The following ABCA7 variants were observed in gnomAD, a reference collection of about 807,000 sequenced individuals.
ABCA7 encodes ATP binding cassette subfamily A member 7.
ABCA7 carries 261 observed loss-of-function variants against 227.6 expected under a neutral mutation model. The observed-to-expected ratio is 1.15, with a 90% confidence interval of 1.04 to 1.27. The LOEUF is 1.27. Ranked by LOEUF, ABCA7 falls within the 50% of genes most tolerant of loss-of-function variation. The probability of loss-of-function intolerance (pLI) is 0.00; values close to 1 mark genes in which losing one functional copy is unlikely to be tolerated. For synonymous variants in ABCA7, 1,488 were observed against 1,279.7 expected (o/e 1.16, Z -3.47); for missense variants, 3,331 against 2,924.5 (o/e 1.14, Z -3.21).
Position 1,058,217 on chromosome 19 carries a change from G to C in ABCA7, c.5097G>C (p.Gly1699=), listed in dbSNP as rs766401645. ...TCCCCCACTTCTGCTTGGGCCGGGG[G>C]CTCATTGACATGGTGCGGAACCAGG... ...LIFPHFCLGR[G]LIDMVRNQAM... The change falls in exon 37 of 47, where the codon GGG becomes GGC. Residue 1699 remains glycine, a synonymous_variant. Transcript: ENST00000263094. The C allele has an allele frequency of 1.2e-6, 2 of 1,613,648 alleles. No individual in the cohort carries two copies. Among genetic ancestry groups the C allele is most frequent in the Non-Finnish European group, 1.7e-6 (2 of 1,179,974 alleles).
At chr19:1,045,934 G>A (rs1275065285) in intron 12 of ABCA7, among the ~76,000 whole-genome samples, 1 of 152,226 alleles carries the variant, frequency 6.6e-6, no homozygotes, top group African/African-American at 2.4e-5. Context: ...TTGAACCCAG[G>A]AGGCGGAGGT....
chr19:1,064,890 G>C, intron 45 of ABCA7, 41 bp from the exon 46 acceptor site: 1 of 1,540,502 alleles, frequency 6.5e-7, no homozygotes, highest in Non-Finnish European at 8.8e-7. Context: ...GTGGGACCTG[G>C]GAAAGGCCCG....
Position 1,056,837 on chromosome 19 carries a change from C to A in ABCA7, c.4587-70C>A. The A allele has an allele frequency of 6.7e-7, 1 of 1,498,836 alleles. No homozygotes were observed. Among genetic ancestry groups the A allele is most frequent in the Non-Finnish European group, 9.1e-7 (1 of 1,095,816 alleles). 92.8% of individuals were successfully genotyped at this position (1,498,836 alleles called of 1,614,324 possible). A position where few individuals can be genotyped will look rare whatever the true frequency, so the allele number is the denominator to read the frequency against. On this transcript the variant is annotated intron_variant, in intron 33 of 46. Coordinates refer to ENST00000263094, the MANE Select transcript of ABCA7 (RefSeq NM_019112.4). This position sits in a 1 kb window ranked among gnomAD's most constrained non-coding sequence, Gnocchi z 4.3. ...CCATAGACCTTTGTCCCATCAATGG[C>A]GTGTTCAGCTCTGCTCTGAGCAACC...
chr19:1,064,399 G>A (rs1295997367), intron 45 of ABCA7, 146 bp downstream of exon 45: 2 of 966,368 alleles, frequency 2.1e-6, no homozygotes, highest in Non-Finnish European at 3.0e-6. Flanking sequence ...CTGCAGGGGT[G>A]ACTGAGGGGG....
In ABCA7 at chr19:1,056,066, A is replaced by G. The variant is rs881768; in HGVS notation, c.4239A>G (p.Arg1413=). Reference sequence around the variant, plus strand: ...CTTCCCTGCCTGCATGGCCCCACAGATACGGAGGCTTCTCGCTGGGGGGCC... The same window carrying G: ...CTTCCCTGCCTGCATGGCCCCACAGGTACGGAGGCTTCTCGCTGGGGGGCC... The part of the protein sequence containing the change: ...LKTKKWVNEV[R]YGGFSLGGRD... Residue 1413 remains arginine (R), a splice_region_variant and synonymous_variant, in exon 32 of 47, where the codon AGA becomes AGG. Coordinates refer to ENST00000263094, the MANE Select transcript of ABCA7 (RefSeq NM_019112.4). This position sits in a 1 kb window ranked among gnomAD's most constrained non-coding sequence, Gnocchi z 4.3. 691,627 of 1,587,492 alleles carry G rather than the reference A, an allele frequency of 0.44. 152,017 individuals are homozygous for G. The highest frequency in any genetic ancestry group is 0.53 in the African/African-American group (39,526 of 74,458).
In ABCA7 at chr19:1,061,826, G is replaced by A. The variant is rs2042674937; in HGVS notation, c.5508G>A (p.Thr1836=). ...LGVNGAGKTS[T]FRMVTGDTLA... ...TGAATGGAGCAGGGAAGACGTCCAC[G>A]TTTCGCATGGTGACGGGGGACACAT... The change falls in exon 41 of 47, where the codon ACG becomes ACA. Residue 1836 remains threonine (T), a synonymous_variant. Transcript: ENST00000263094. 6 of 1,609,962 alleles carry A rather than the reference G, an allele frequency of 3.7e-6. No individual in the cohort carries two copies. Among genetic ancestry groups the A allele is most frequent in the East Asian group, 2.2e-5 (1 of 44,760 alleles).
intron 9 of ABCA7, 60 bp from the exon 10 acceptor site, chr19:1,043,665 G>A: frequency 1.3e-6 from 2 of 1,571,448 alleles, no homozygotes; most frequent in African/African-American, 1.4e-5. Context: ...AGGGGGCAGG[G>A]GGTGGGCAGG....
At chr19:1,050,854 A>T in intron 18 of ABCA7, 67 bp from the exon 19 acceptor site, 1 of 1,260,434 alleles carries the variant, frequency 7.9e-7, no homozygotes, top group Non-Finnish European at 1.0e-6. Flanking sequence ...AGAAATTAAA[A>T]ATAGAAGCTC....
At chr19:1,061,365 G>A (rs778062968) in intron 40 of ABCA7, among the ~76,000 whole-genome samples, 10 of 139,890 alleles carry the variant, frequency 7.1e-5, no homozygotes, top group East Asian at 4.1e-4. Context: ...CCATTGCGCC[G>A]GGGTGACACA....
chr19:1,063,395 C>G (rs1292416042), intron 42 of ABCA7, 149 bp from the exon 43 acceptor site: 1 of 1,125,266 alleles, frequency 8.9e-7, no homozygotes. Flanking sequence ...TCATGCTGCC[C>G]CCACCACACT....
chr19:1,051,466 C>T lies in ABCA7; in HGVS notation c.2842C>T (p.Leu948=). Residue 948 remains leucine, a synonymous_variant, in exon 21 of 47, where the codon CTG becomes TTG. Coordinates refer to ENST00000263094, the MANE Select transcript of ABCA7 (RefSeq NM_019112.4). ...RHLSGGMQRK[L]SVAIAFVGGS... Reference sequence around the variant, plus strand: ...TCTACCAGGTGGGATGCAACGGAAGCTGTCCGTGGCCATTGCCTTTGTGGG... The same window carrying T: ...TCTACCAGGTGGGATGCAACGGAAGTTGTCCGTGGCCATTGCCTTTGTGGG... 1 of 1,580,056 alleles carries T rather than the reference C, an allele frequency of 6.3e-7. No individual in the cohort carries two copies. Among genetic ancestry groups the T allele is most frequent in the Non-Finnish European group, 8.6e-7 (1 of 1,160,850 alleles).
chr19:1,064,149 G>C lies in ABCA7; in HGVS notation c.5952-12G>C, dbSNP rs376428893. On this transcript the variant is annotated splice_polypyrimidine_tract_variant and intron_variant, in intron 44 of 46. Coordinates refer to ENST00000263094, the MANE Select transcript of ABCA7 (RefSeq NM_019112.4). ...CCGGCCTCACGGAGCTCGTGGTGCC[G>C]GGTCCCGACAGCATGGAGGAGTGTG... 8 of 1,550,844 alleles carry C rather than the reference G, an allele frequency of 5.2e-6. No homozygotes were observed. The African/African-American group carries it at 6.8e-5, about 13-fold the overall frequency.
chr19:1,042,618 C>A, intron 6 of ABCA7, 128 bp from the exon 7 acceptor site: 1 of 1,123,666 alleles, frequency 8.9e-7, no homozygotes, highest in Non-Finnish European at 1.3e-6. Flanking sequence ...CTTTGCCTCT[C>A]AGAGCCTCAG....
chr19:1,042,365 G>T lies in ABCA7; in HGVS notation c.466G>T (p.Val156Phe). The T allele has an allele frequency of 6.2e-7, 1 of 1,603,310 alleles. No homozygotes were observed. Among genetic ancestry groups the T allele is most frequent in the Non-Finnish European group, 8.5e-7 (1 of 1,172,614 alleles). The change falls in exon 6 of 47, where the codon GTC becomes TTC. Residue 156 changes from valine to phenylalanine, a missense_variant. Coordinates refer to ENST00000263094, the MANE Select transcript of ABCA7 (RefSeq NM_019112.4). ...TCCACTGGAACCACCCATGCTGGAT[G>T]TCGCGGAGCTGCTGACGTCACTGCT... is the stretch of plus-strand genomic sequence containing the variant. The part of the protein sequence containing the change: ...QSPLEPPMLD[V>F]AELLTSLLRT...
At chr19:1,057,182 A>G (rs1815836749) in intron 34 of ABCA7, 98 bp downstream of exon 34, 1 of 1,552,288 alleles carries the variant, frequency 6.4e-7, no homozygotes, top group African/African-American at 1.4e-5. Context: ...TGGCCTGGGT[A>G]AAGTCTTGAG....
intron 42 of ABCA7, among the ~76,000 whole-genome samples, chr19:1,063,230 C>A (rs2042794567): frequency 7.6e-6 from 1 of 132,006 alleles, no homozygotes; most frequent in Non-Finnish European, 1.6e-5. Context: ...GCCCCATACT[C>A]ATGCTGTCTC....
Position 1,054,212 on chromosome 19 carries a change from T to C in ABCA7, c.3597T>C (p.Thr1199=). 1 of 1,608,290 alleles carries C rather than the reference T, an allele frequency of 6.2e-7. No individual in the cohort carries two copies. Among genetic ancestry groups the C allele is most frequent in the African/African-American group, 1.3e-5 (1 of 74,886 alleles). The change falls in exon 27 of 47, where the codon ACT becomes ACC. Residue 1199 remains threonine, a synonymous_variant. Transcript: ENST00000263094. The surrounding 1 kb of genome is among the most constrained non-coding windows in gnomAD (Gnocchi z 4.8). ...NGEPAGSAPE[T]DQGSGPDAVG... ...TCACAGCTGGGTCAGCCCCAGAGACTGACCAGGGCTCTGGGCCAGACGCCG... is the reference window on the plus strand; with the variant it reads ...TCACAGCTGGGTCAGCCCCAGAGACCGACCAGGGCTCTGGGCCAGACGCCG...
At chr19:1,050,346 AG>A (rs1258930823) in intron 18 of ABCA7, among the ~76,000 whole-genome samples, 1 of 151,660 alleles carries the variant, frequency 6.6e-6, no homozygotes, top group Non-Finnish European at 1.5e-5. Flanking sequence ...CTGGAGGCGG[AG>A]GTTGCAGTGA....
In ABCA7 at chr19:1,062,308, G is replaced by C; in HGVS notation, c.5707G>C (p.Ala1903Pro). The C allele has an allele frequency of 6.2e-7, 1 of 1,602,382 alleles. No individual in the cohort carries two copies. The highest frequency in any genetic ancestry group is 8.5e-7 in the Non-Finnish European group (1 of 1,179,320). ...GCGCGGTGTCCCGGAGGCCCAGGTT[G>C]CCCAGGTGAGCCCACTTTGTCCCCA... ...RLRGVPEAQVAQTAGSGLARL... is the reference protein window; with the variant it reads ...RLRGVPEAQVPQTAGSGLARL... The change falls in exon 42 of 47, where the codon GCC becomes CCC. Residue 1903 changes from alanine to proline, a missense_variant. Transcript: ENST00000263094.
Sources: allele counts gnomAD v4.1 joint callset (sites outside exome capture counted in the v4.1 genomes callset), GRCh38; gene constraint gnomAD v4.1.1; non-coding constraint Gnocchi (gnomAD v3.1); transcripts MANE v1.5; gene names NCBI Gene and HGNC (gene_info 2026-07-23, HGNC 2026-07-21).